MCPH1: variants seen among roughly 807,000 people sequenced by gnomAD.
The protein encoded by MCPH1 is microcephalin 1.
In MCPH1, 104 loss-of-function variants were observed where a neutral mutation model predicts 84.5. That is an observed-to-expected ratio of 1.23 (90% CI 1.05 to 1.45). The LOEUF (loss-of-function observed/expected upper bound fraction) is 1.45, where lower values mean the gene tolerates loss of function less well. Ranked by LOEUF, MCPH1 falls within the 40% of genes most tolerant of loss-of-function variation. MCPH1 has a pLI of 0.00. For missense variants in MCPH1, 1,498 were observed against 1,005.7 expected, an observed-to-expected ratio of 1.49 and a Z score of -6.62; for synonymous variants, 514 against 366.8, an observed-to-expected ratio of 1.40 and a Z score of -4.58.
intron 12 of MCPH1, among the ~76,000 whole-genome samples, chr8:6,570,869 C>T (rs1400198009): frequency 1.3e-5 from 2 of 148,240 alleles, no homozygotes; most frequent in East Asian, 2.0e-4. Context: ...GTTTGTACTA[C>T]CGCAAACCAG....
intron 5 of MCPH1, among the ~76,000 whole-genome samples, chr8:6,436,458 G>C (rs1802651522): frequency 6.6e-6 from 1 of 152,034 alleles, no homozygotes; most frequent in African/African-American, 2.4e-5. Flanking sequence ...AAGCATTATT[G>C]AAATAAATAC....
intron 12 of MCPH1, chr8:6,562,605 C>T: frequency 2.3e-6 from 2 of 885,278 alleles, no homozygotes; most frequent in Non-Finnish European, 1.5e-6. Context: ...CCAAGCTGAT[C>T]TTAATAGCAT....
intron 13 of MCPH1, among the ~76,000 whole-genome samples, chr8:6,636,233 G>A (rs761085165): frequency 3.9e-4 from 60 of 152,022 alleles, no homozygotes; most frequent in Non-Finnish European, 7.6e-4. Flanking sequence ...CCAGCTACTT[G>A]GGAGGCTGAG....
chr8:6,569,115 G>C (rs1309492751), intron 12 of MCPH1, among the ~76,000 whole-genome samples: 4 of 152,130 alleles, frequency 2.6e-5, no homozygotes, highest in Non-Finnish European at 5.9e-5. Context: ...AAAACCATTA[G>C]AAGGTTAGCT....
intron 4 of MCPH1, among the ~76,000 whole-genome samples, chr8:6,434,318 C>T (rs1289200763): frequency 6.6e-6 from 1 of 152,162 alleles, no homozygotes; most frequent in Non-Finnish European, 1.5e-5. Flanking sequence ...TATGAACCAG[C>T]CCCACTGGCA....
At position 6,592,746 on chromosome 8, in the gene MCPH1, C is replaced by T. The variant is rs960237465; in HGVS notation, c.2215-28708C>T. Reference sequence around the variant, plus strand: ...GTGGGCTCACTGCAACCTCTGCCTCCCAGGCTGAAGTGATCCTCCAACCTC... The same window carrying T: ...GTGGGCTCACTGCAACCTCTGCCTCTCAGGCTGAAGTGATCCTCCAACCTC... On this transcript the variant is annotated intron_variant, in intron 12 of 13. Coordinates refer to ENST00000344683, the MANE Select transcript of MCPH1 (RefSeq NM_024596.5). Among the ~76,000 whole-genome samples the T allele has an allele frequency of 7.3e-5, 11 of 150,996 alleles. No individual in the cohort carries two copies. The South Asian group carries it at 1.5e-3, about 20-fold the overall frequency.
At chr8:6,513,673 C>G in intron 12 of MCPH1, 1 of 1,603,888 alleles carries the variant, frequency 6.2e-7, no homozygotes, top group Non-Finnish European at 8.5e-7. Flanking sequence ...CATGAACTCA[C>G]TTACCTATAA....
chr8:6,626,572 A>G (rs1832102584), intron 13 of MCPH1: 3 of 982,762 alleles, frequency 3.1e-6, no homozygotes, highest in African/African-American at 3.5e-5. Flanking sequence ...TCCCGGCCCT[A>G]GGAAATAAAA....
At chr8:6,611,531 G>A (rs960954450) in intron 12 of MCPH1, among the ~76,000 whole-genome samples, 6 of 152,224 alleles carry the variant, frequency 3.9e-5, no homozygotes, top group African/African-American at 1.2e-4. Flanking sequence ...CAGGGCATAC[G>A]GAGCTGCCAT....
chr8:6,641,930 C>T (rs1445606949), intron 13 of MCPH1, among the ~76,000 whole-genome samples: 2 of 151,960 alleles, frequency 1.3e-5, no homozygotes, highest in Non-Finnish European at 2.9e-5. Context: ...TCTGAGGGTC[C>T]CTCACTGACC....
rs2922849 is a variant in MCPH1, at chr8:6,599,219, C to T, written c.2215-22235C>T. 0.037 allele frequency among the ~76,000 whole-genome samples: 5,582 copies of T among 152,264 alleles called. 627 individuals are homozygous for T. The East Asian group carries it at 0.44, about 12-fold the overall frequency. On this transcript the variant is annotated intron_variant, in intron 12 of 13. Transcript: ENST00000344683. ...CGTGATTACCTAAAAGGAATGCCTT[C>T]CTCCGCGGACCGGAAGGATATTTTT...
chr8:6,509,383 C>G (rs1398997855), intron 12 of MCPH1, among the ~76,000 whole-genome samples: 1 of 152,208 alleles, frequency 6.6e-6, no homozygotes, highest in Non-Finnish European at 1.5e-5. Flanking sequence ...CAGCACCAGG[C>G]TCCTCCTCCC....
At chr8:6,599,225 C>T (rs1460177674) in intron 12 of MCPH1, among the ~76,000 whole-genome samples, 1 of 152,150 alleles carries the variant, frequency 6.6e-6, no homozygotes, top group African/African-American at 2.4e-5. Flanking sequence ...CCTTCCTCCG[C>T]GGACCGGAAG....
At chr8:6,446,701 C>T in intron 8 of MCPH1, 1 of 985,082 alleles carries the variant, frequency 1.0e-6, no homozygotes, top group Non-Finnish European at 1.2e-6. Flanking sequence ...GGTTTACATT[C>T]TCCATCTTTC....
intron 12 of MCPH1, among the ~76,000 whole-genome samples, chr8:6,541,352 C>T (rs889541990): frequency 2.6e-5 from 4 of 152,124 alleles, no homozygotes; most frequent in Admixed American, 6.5e-5. Context: ...GTGGGTAACT[C>T]GGGGCCACGT....
intron 9 of MCPH1, among the ~76,000 whole-genome samples, chr8:6,458,211 A>G (rs770933448): frequency 6.6e-6 from 1 of 152,114 alleles, no homozygotes; most frequent in Non-Finnish European, 1.5e-5. Flanking sequence ...GGTGGCTCAC[A>G]CCTGTAATCC....
intron 12 of MCPH1, among the ~76,000 whole-genome samples, chr8:6,543,499 G>A (rs1045438687): frequency 1.3e-5 from 2 of 152,310 alleles, no homozygotes; most frequent in East Asian, 1.9e-4. Flanking sequence ...TGCGTGGGTC[G>A]TGGGGAGCAT....
chr8:6,563,069 T>C, intron 12 of MCPH1: 1 of 953,578 alleles, frequency 1.0e-6, no homozygotes, highest in African/African-American at 1.7e-5. Flanking sequence ...GTCTTCTCTT[T>C]CCTCTTTTTC....
At chr8:6,458,893 T>C (rs1053179066) in intron 9 of MCPH1, among the ~76,000 whole-genome samples, 1 of 152,116 alleles carries the variant, frequency 6.6e-6, no homozygotes, top group Non-Finnish European at 1.5e-5. Flanking sequence ...TGATCTGCCT[T>C]CCTTGGCCCT....
Sources: gnomAD v4.1 joint callset for allele counts (sites outside exome capture counted in the v4.1 genomes callset) on GRCh38, gnomAD v4.1.1 for gene constraint, MANE v1.5 for transcripts, NCBI Gene and HGNC (gene_info 2026-07-23, HGNC 2026-07-21) for gene names.